Variants in JAG2 observed in about 807,000 individuals in gnomAD.
JAG2 encodes the protein protein jagged-2.
In JAG2, 46 loss-of-function variants were observed where a neutral mutation model predicts 141.7. That is an observed-to-expected ratio of 0.32 (90% CI 0.26 to 0.42). The LOEUF (loss-of-function observed/expected upper bound fraction) is 0.42. Ranked by LOEUF, JAG2 falls within the 10% of genes least tolerant of loss-of-function variation. The pLI is 1.00. For synonymous variants in JAG2, 862 were observed against 763.5 expected, an observed-to-expected ratio of 1.13 and a Z score of -2.13; for missense variants, 1,500 against 1,817.5, an observed-to-expected ratio of 0.83 and a Z score of 3.18.
At position 105,147,307 on chromosome 14, in the gene JAG2, G is replaced by C; in HGVS notation, c.2479+19C>G. ...CTGGGCTGAGGGGCTCCCAGGGCTG[G>C]GGCTGTCTGGCCACTCACTGATGCG... On this transcript the variant is annotated intron_variant, in intron 20 of 25. Transcript: ENST00000331782. 1 of 1,548,382 alleles carries C rather than the reference G, an allele frequency of 6.5e-7. No homozygotes were observed. The highest frequency in any genetic ancestry group is 1.2e-5 in the South Asian group (1 of 84,096).
rs587739127 is a variant in JAG2, at chr14:105,145,198, T to TG, written c.2953-138dup. ...GAGCACAGCAAGGATGCCAAGGGCCTGGGGGGGCAGCTTCCCACCCGGCTG... is the reference window on the plus strand; with the variant it reads ...GAGCACAGCAAGGATGCCAAGGGCCTGGGGGGGGCAGCTTCCCACCCGGCTG... On this transcript the variant is annotated intron_variant, in intron 23 of 25. Coordinates refer to ENST00000331782, the MANE Select transcript of JAG2 (RefSeq NM_002226.5). 4.9e-4 allele frequency: 602 copies of TG among 1,230,434 alleles called. 3 individuals are homozygous for TG. The highest frequency in any genetic ancestry group is 4.6e-3 in the Admixed American group (235 of 51,092). The allele number at this position is 1,230,434 out of a possible 1,614,324, so 76.2% of individuals were successfully genotyped here. A position where few individuals can be genotyped will look rare whatever the true frequency, so the allele number is the denominator to read the frequency against.
chr14:105,151,639 G>A lies in JAG2; in HGVS notation c.1140C>T (p.Pro380=). ...GCAGACACTCACCAAGGGCACAGGT[G>A]GGCCCGCTCCAGCCCGATGGGCAGT... The part of the protein sequence containing the change: ...ECHCPSGWSG[P]TCALDIDECA... The change falls in exon 8 of 26, where the codon CCC becomes CCT. Residue 380 remains proline (P), a synonymous_variant. Transcript: ENST00000331782. 1 of 1,607,076 alleles carries A rather than the reference G, an allele frequency of 6.2e-7. No homozygotes were observed. Among genetic ancestry groups the A allele is most frequent in the South Asian group, 1.1e-5 (1 of 89,698 alleles).
At chr14:105,153,001 A>G (rs1408034897) in intron 5 of JAG2, among the ~76,000 whole-genome samples, 1 of 151,832 alleles carries the variant, frequency 6.6e-6, no homozygotes, top group Non-Finnish European at 1.5e-5. Context: ...GCCAGGGTAG[A>G]ACATGGCCTG....
In JAG2 at chr14:105,161,081, G is replaced by C. The variant is rs185719226; in HGVS notation, c.418-3318C>G. ...TAAGCGAAGTGGGTGACTGTTGCGG[G>C]TCTGAGTGAGGTCTGTTCGGGTGTT... On this transcript the variant is annotated intron_variant, in intron 2 of 25. Transcript: ENST00000331782. 5.5e-4 allele frequency among the ~76,000 whole-genome samples: 84 copies of C among 152,054 alleles called. No individual in the cohort carries two copies. In the East Asian group the frequency reaches 0.011, roughly 20 times the overall value.
chr14:105,168,326 AC>A (rs1276097739), intron 1 of JAG2, 28 bp downstream of exon 1: 8 of 439,548 alleles, frequency 1.8e-5, no homozygotes, highest in Middle Eastern at 1.1e-3. Context: ...CCCGTCCGCG[AC>A]CCCCGCCGCC....
chr14:105,162,938 C>G (rs1888800209), intron 2 of JAG2, among the ~76,000 whole-genome samples: 1 of 152,108 alleles, frequency 6.6e-6, no homozygotes. Flanking sequence ...CTACAGCATC[C>G]CAAAACTCAG....
intron 3 of JAG2, 45 bp downstream of exon 3, chr14:105,157,661 C>A: frequency 1.3e-6 from 2 of 1,518,292 alleles, no homozygotes; most frequent in Non-Finnish European, 1.8e-6. Context: ...GCCACAGGCA[C>A]GCTGAAGCTG....
chr14:105,143,416 G>A lies in JAG2; in HGVS notation c.3241+66C>T, dbSNP rs587654755. 4.9e-5 allele frequency: 74 copies of A among 1,513,206 alleles called. No individual in the cohort carries two copies. In the Admixed American group the frequency reaches 8.2e-4, roughly 17 times the overall value. The allele number at this position is 1,513,206 out of a possible 1,614,324, so 93.7% of individuals were successfully genotyped here. On this transcript the variant is annotated intron_variant, in intron 25 of 25. Coordinates refer to ENST00000331782, the MANE Select transcript of JAG2 (RefSeq NM_002226.5). ...GCTGGCAGGATCGGCAGGATCGGCC[G>A]GCTCTGTGCCCAATGCCTGAGTTGC...
intron 2 of JAG2, among the ~76,000 whole-genome samples, chr14:105,160,521 C>T (rs1231534990): frequency 6.6e-6 from 1 of 151,800 alleles, no homozygotes; most frequent in Non-Finnish European, 1.5e-5. Context: ...CAACCTATAG[C>T]CAGCGGGGCT....
Position 105,146,221 on chromosome 14 carries a change from G to A in JAG2, c.2709+164C>T, listed in dbSNP as rs372891102. 1.3e-3 allele frequency among the ~76,000 whole-genome samples: 204 copies of A among 152,290 alleles called. 4 individuals carry two copies. Among genetic ancestry groups the A allele is most frequent in the African/African-American group, 4.3e-3 (177 of 41,552 alleles). ...AGGCCTGTTTTCCCAACTGCACATC[G>A]AAGCATGGGGCCTGGCTGAGCTCTC... On this transcript the variant is annotated intron_variant, in intron 22 of 25. Coordinates refer to ENST00000331782, the MANE Select transcript of JAG2 (RefSeq NM_002226.5).
intron 2 of JAG2, among the ~76,000 whole-genome samples, chr14:105,162,751 G>T (rs1167851426): frequency 1.3e-5 from 1 of 74,298 alleles, no homozygotes; most frequent in East Asian, 3.1e-4. Flanking sequence ...CCACAGCCTT[G>T]TGCACCCCAT....
At chr14:105,157,968 T>C (rs972658402) in intron 2 of JAG2, among the ~76,000 whole-genome samples, 1 of 152,072 alleles carries the variant, frequency 6.6e-6, no homozygotes, top group African/African-American at 2.4e-5. Flanking sequence ...GGAGGGAGAC[T>C]GCCCCTCCAG....
At chr14:105,145,616 T>C in intron 23 of JAG2, 115 bp downstream of exon 23, 1 of 1,340,220 alleles carries the variant, frequency 7.5e-7, no homozygotes, top group Non-Finnish European at 1.0e-6. Context: ...TGACCAAGAG[T>C]GACTCTGCTC....
At chr14:105,164,665 G>C (rs1595190907) in intron 2 of JAG2, among the ~76,000 whole-genome samples, 1 of 152,170 alleles carries the variant, frequency 6.6e-6, no homozygotes, top group Non-Finnish European at 1.5e-5. Context: ...TGGATGCAGG[G>C]GGTGGGCTCT....
chr14:105,143,318 G>A (rs895815489), intron 25 of JAG2, 148 bp from the exon 26 acceptor site: 311 of 1,303,188 alleles, frequency 2.4e-4, no homozygotes, highest in Middle Eastern at 2.5e-4. Flanking sequence ...TCCCAGGACG[G>A]GGGCTGGGAA....
intron 9 of JAG2, 25 bp from the exon 10 acceptor site, chr14:105,151,129 C>T (rs369352271): frequency 3.1e-6 from 5 of 1,591,104 alleles, no homozygotes; most frequent in Admixed American, 1.7e-5. Context: ...AGGTGGGAGC[C>T]GTGGGGCTCG....
At position 105,167,838 on chromosome 14, in the gene JAG2, C is replaced by T. The variant is rs1566773389; in HGVS notation, c.336G>A (p.Gly112=). 1.1e-5 allele frequency: 17 copies of T among 1,500,332 alleles called. No individual in the cohort carries two copies. The highest frequency in any genetic ancestry group is 2.9e-5 in the African/African-American group (2 of 68,890). The allele number at this position is 1,500,332 out of a possible 1,614,324, so 92.9% of individuals were successfully genotyped here. A position where few individuals can be genotyped will look rare whatever the true frequency, so the allele number is the denominator to read the frequency against. The change falls in exon 2 of 26, where the codon GGG becomes GGA. Residue 112 remains glycine, a synonymous_variant. Coordinates refer to ENST00000331782, the MANE Select transcript of JAG2 (RefSeq NM_002226.5). This position sits in a 1 kb window ranked among gnomAD's most constrained non-coding sequence, Gnocchi z 4.8. ...SFYLPPAGAA[G]DRARARARAG... is the part of the protein sequence containing the mutation. ...CCCGGGCCCGCGCCCGCGCTCGGTC[C>T]CCCGCAGCGCCCGCCGGCGGCAGGT...
At chr14:105,163,743 C>CA (rs1888827924) in intron 2 of JAG2, among the ~76,000 whole-genome samples, 2 of 151,646 alleles carry the variant, frequency 1.3e-5, no homozygotes, top group South Asian at 4.2e-4. Context: ...GGACCCTGCT[C>CA]AGTCCTGGGA....
chr14:105,168,052 T>A lies in JAG2; in HGVS notation c.122A>T (p.Asn41Ile). 1 of 1,592,122 alleles carries A rather than the reference T, an allele frequency of 6.3e-7. No individual in the cohort carries two copies. The highest frequency in any genetic ancestry group is 8.5e-7 in the Non-Finnish European group (1 of 1,176,012). ...ELQLSALRNVNGELLSGACCD... is the reference protein window; with the variant it reads ...ELQLSALRNVIGELLSGACCD... ...GCAGGCGCCGCTCAGCAGCTCCCCG[T>A]TCACGTTCCGCAGCGCGCTCAGCTG... The change falls in exon 2 of 26, where the codon AAC becomes ATC. Residue 41 changes from asparagine (N) to isoleucine (I), a missense_variant. Physicochemically the swap from Asn to Ile is moderately radical, Grantham distance 149 (BLOSUM62 -3). Around this residue, in one of 3 missense-constraint regions of JAG2, gnomAD observed 200 missense variants for 174.3 expected, o/e 1.15. Coordinates refer to ENST00000331782, the MANE Select transcript of JAG2 (RefSeq NM_002226.5).
Sources: allele counts gnomAD v4.1 joint callset (sites outside exome capture counted in the v4.1 genomes callset), GRCh38; gene constraint gnomAD v4.1.1; regional missense constraint gnomAD v4.1.1; non-coding constraint Gnocchi (gnomAD v3.1); transcripts MANE v1.5; gene names NCBI Gene and HGNC (gene_info 2026-07-23, HGNC 2026-07-21).